Variants in LNPK observed in about 807,000 individuals in gnomAD.
LNPK encodes the protein endoplasmic reticulum junction formation protein lunapark.
In LNPK, 29 loss-of-function variants were observed where a neutral mutation model predicts 55.2. That is an observed-to-expected ratio of 0.53 (90% CI 0.39 to 0.72). The LOEUF (loss-of-function observed/expected upper bound fraction) is 0.72, where lower values mean the gene tolerates loss of function less well. Among genes scored for constraint, LNPK ranks in the 30% least tolerant of loss-of-function variants. The pLI is 0.00. For missense variants in LNPK, 467 were observed against 494.8 expected (o/e 0.94, Z 0.53); for synonymous variants, 162 against 168.2 (o/e 0.96, Z 0.29).
chr2:175,978,040 T>A (rs1268823988), intron 5 of LNPK, among the ~76,000 whole-genome samples: 1 of 152,142 alleles, frequency 6.6e-6, no homozygotes, highest in Non-Finnish European at 1.5e-5. Context: ...CAAAATATAA[T>A]GAAGGTTGAG....
At chr2:175,989,186 T>A (rs993181689) in intron 4 of LNPK, among the ~76,000 whole-genome samples, 4 of 152,180 alleles carry the variant, frequency 2.6e-5, no homozygotes, top group African/African-American at 9.7e-5. Flanking sequence ...ACCTAACATG[T>A]GCTACTTGTG....
intron 8 of LNPK, 139 bp downstream of exon 8, chr2:175,964,229 AAGTC>A: frequency 1.7e-6 from 1 of 594,768 alleles, no homozygotes; most frequent in Admixed American, 3.3e-5. Context: ...CATCCACCCT[AAGTC>A]ATATCCCAAA....
chr2:175,937,554 A>T, intron 11 of LNPK, 40 bp from the exon 12 acceptor site: 2 of 1,503,200 alleles, frequency 1.3e-6, no homozygotes, highest in South Asian at 2.4e-5. Context: ...ACCACAAACC[A>T]AGCAAAGTTC....
rs1279671446 is a variant in LNPK, at chr2:175,925,077, T to C, written c.*4890A>G. The C allele has an allele frequency of 6.6e-6, 1 of 152,104 alleles. No homozygotes were observed. Among genetic ancestry groups the C allele is most frequent in the East Asian group, 1.9e-4 (1 of 5,186 alleles). 9.4% of individuals were successfully genotyped at this position (152,104 alleles called of 1,614,324 possible). ...CACATATAGCACCATTTCTAAGTCA[T>C]TTAGGATTTTCGGAAACTCAGCATA... is the stretch of plus-strand genomic sequence containing the variant. On this transcript the variant is annotated 3_prime_UTR_variant, in exon 13 of 13. Transcript: ENST00000272748.
At chr2:175,985,720 T>G (rs1271519777) in intron 4 of LNPK, among the ~76,000 whole-genome samples, 1 of 152,202 alleles carries the variant, frequency 6.6e-6, no homozygotes, top group East Asian at 1.9e-4. Context: ...GTATAGGGAT[T>G]TAATTTATAA....
intron 4 of LNPK, among the ~76,000 whole-genome samples, chr2:175,984,592 A>T (rs1574889246): frequency 6.6e-6 from 1 of 152,242 alleles, no homozygotes; most frequent in East Asian, 1.9e-4. Flanking sequence ...AAAGATACAT[A>T]TTAATGGCAA....
intron 8 of LNPK, among the ~76,000 whole-genome samples, chr2:175,949,202 A>G (rs1685286576): frequency 6.6e-6 from 1 of 152,116 alleles, no homozygotes; most frequent in Non-Finnish European, 1.5e-5. Context: ...AACCATCTTT[A>G]TATTTTGCTA....
At chr2:175,949,000 A>G (rs1685277475) in intron 8 of LNPK, among the ~76,000 whole-genome samples, 1 of 152,174 alleles carries the variant, frequency 6.6e-6, no homozygotes, top group Non-Finnish European at 1.5e-5. Context: ...AAATATGATA[A>G]TGTCTGCAAA....
At chr2:175,995,694 A>G (rs757421013) in intron 1 of LNPK, 48 bp from the exon 2 acceptor site, 6 of 867,998 alleles carry the variant, frequency 6.9e-6, no homozygotes, top group South Asian at 5.7e-5. Context: ...CACACAGCAT[A>G]CCCACTATAG....
intron 8 of LNPK, among the ~76,000 whole-genome samples, chr2:175,949,580 T>C (rs1685304093): frequency 6.6e-6 from 1 of 152,092 alleles, no homozygotes; most frequent in African/African-American, 2.4e-5. Flanking sequence ...TTGAGACTAC[T>C]TCCTCTAAAT....
chr2:175,996,940 T>G (rs1364787674), intron 1 of LNPK, among the ~76,000 whole-genome samples: 1 of 152,236 alleles, frequency 6.6e-6, no homozygotes, highest in East Asian at 1.9e-4. Context: ...GTTAGATACT[T>G]GCCAATGTAT....
At chr2:175,960,796 AATAG>A (rs775265578) in intron 8 of LNPK, among the ~76,000 whole-genome samples, 8 of 152,236 alleles carry the variant, frequency 5.3e-5, no homozygotes, top group African/African-American at 1.4e-4. Flanking sequence ...AGACCAGCAA[AATAG>A]ATAGACCACT....
At chr2:175,967,701 G>T (rs986315457) in intron 6 of LNPK, 3 of 976,642 alleles carry the variant, frequency 3.1e-6, no homozygotes. Context: ...AATTGATGAT[G>T]CTTTTACTAA....
intron 8 of LNPK, among the ~76,000 whole-genome samples, chr2:175,951,214 A>C (rs1455425002): frequency 6.6e-6 from 1 of 152,090 alleles, no homozygotes; most frequent in African/African-American, 2.4e-5. Flanking sequence ...TCTAGTTAAT[A>C]GTACCAGTTC....
intron 2 of LNPK, among the ~76,000 whole-genome samples, chr2:175,994,914 A>ATTTTTTTTT (rs35432943): frequency 3.4e-5 from 3 of 88,506 alleles, no homozygotes; most frequent in Non-Finnish European, 6.6e-5. Context: ...CTTGTATAGA[A>ATTTTTTTTT]TTTTTTTTTT....
chr2:175,939,501 A>T, intron 10 of LNPK, 51 bp downstream of exon 10: 2 of 1,042,432 alleles, frequency 1.9e-6, no homozygotes, highest in Non-Finnish European at 1.5e-6. Flanking sequence ...GTACACACAC[A>T]CACACATCCT....
At chr2:175,941,264 C>A (rs1278545429) in intron 9 of LNPK, among the ~76,000 whole-genome samples, 2 of 100,450 alleles carry the variant, frequency 2.0e-5, no homozygotes, top group Non-Finnish European at 4.9e-5. Flanking sequence ...CTCAAGCAGC[C>A]TAATATATTT....
At chr2:175,932,085 C>A in intron 12 of LNPK, 1 of 434,070 alleles carries the variant, frequency 2.3e-6, no homozygotes, top group South Asian at 1.7e-5. Context: ...GGATGTAACT[C>A]ACCAATAAAC....
At chr2:175,990,311 G>T (rs1296618794) in intron 4 of LNPK, among the ~76,000 whole-genome samples, 1 of 152,064 alleles carries the variant, frequency 6.6e-6, no homozygotes, top group African/African-American at 2.4e-5. Context: ...AAAAGAAACT[G>T]GCACCTCCCC....
Sources: gnomAD v4.1 joint callset for allele counts (sites outside exome capture counted in the v4.1 genomes callset) on GRCh38, gnomAD v4.1.1 for gene constraint, MANE v1.5 for transcripts, NCBI Gene and HGNC (gene_info 2026-07-23, HGNC 2026-07-21) for gene names.